The following GBP6 variants were observed in gnomAD, a reference collection of about 807,000 sequenced individuals.
GBP6 encodes the protein guanylate-binding protein 6.
A neutral mutation model predicts 61.5 loss-of-function variants in GBP6; 54 were observed. That is an observed-to-expected ratio of 0.88 (90% CI 0.71 to 1.10). The LOEUF is 1.10. GBP6 is among the 50% of genes least tolerant of loss of function. The pLI is 0.00. For synonymous variants in GBP6, 255 were observed against 273.7 expected (o/e 0.93, Z 0.67); for missense variants, 748 against 752.8 (o/e 0.99, Z 0.07).
At chr1:89,370,238 T>A (rs1319843259) in intron 3 of GBP6, among the ~76,000 whole-genome samples, 2 of 152,200 alleles carry the variant, frequency 1.3e-5, no homozygotes, top group African/African-American at 4.8e-5. Context: ...CTCACAGCTT[T>A]CACCACATAC....
rs1360994880 is a variant in GBP6, at chr1:89,384,240, A to G, written c.1616A>G (p.Glu539Gly). The G allele has an allele frequency of 5.0e-6, 8 of 1,614,004 alleles. No individual in the cohort carries two copies. Among genetic ancestry groups the G allele is most frequent in the Non-Finnish European group, 6.8e-6 (8 of 1,179,972 alleles). Residue 539 changes from glutamate (E) to glycine (G), a missense_variant, in exon 10 of 11, where the codon GAA (glutamate) becomes GGA (glycine). Transcript: ENST00000370456. ...QLKEKLQMER[E>G]HLLREQIMML... ...AAGGAGAAGCTGCAGATGGAGAGAG[A>G]ACACCTACTGAGAGAGCAGATTATG...
rs940135403 is a variant in GBP6, at chr1:89,379,315, A to C, written c.625+702A>C. On this transcript the variant is annotated intron_variant, in intron 5 of 10. Coordinates refer to ENST00000370456, the MANE Select transcript of GBP6 (RefSeq NM_198460.3). ...CATGAGAAATCTGCCCCTGTGACCC[A>C]AACACCTCCCACTAGGCCCACCTCC... 2.1e-5 allele frequency among the ~76,000 whole-genome samples: 3 copies of C among 142,990 alleles called. No individual in the cohort carries two copies. The Admixed American group carries it at 2.2e-4, about 10-fold the overall frequency. The allele number at this position is 142,990 out of a possible 152,430, so 93.8% of individuals were successfully genotyped here.
chr1:89,369,442 A>G (rs1468038786), intron 2 of GBP6, 104 bp from the exon 3 acceptor site: 5 of 1,323,170 alleles, frequency 3.8e-6, no homozygotes, highest in Non-Finnish European at 4.1e-6. Context: ...AAGGACCATC[A>G]TGTATGTTGG....
chr1:89,377,518 G>T (rs1233319476), intron 3 of GBP6, among the ~76,000 whole-genome samples: 1 of 151,934 alleles, frequency 6.6e-6, no homozygotes, highest in Non-Finnish European at 1.5e-5. Context: ...TTATAGCTAT[G>T]GGTTCCACTT....
Position 89,381,686 on chromosome 1 carries a change from T to C in GBP6, c.872-8T>C. On this transcript the variant is annotated splice_region_variant and splice_polypyrimidine_tract_variant and intron_variant, in intron 6 of 10. Coordinates refer to ENST00000370456, the MANE Select transcript of GBP6 (RefSeq NM_198460.3). Reference sequence around the variant, plus strand: ...ATATTTAGCCCCTAAATCTCCTGGTTCATTTAGGTCTGGGAACTCTGGCAG... The same window carrying C: ...ATATTTAGCCCCTAAATCTCCTGGTCCATTTAGGTCTGGGAACTCTGGCAG... 1 of 1,586,896 alleles carries C rather than the reference T, an allele frequency of 6.3e-7. No homozygotes were observed. Among genetic ancestry groups the C allele is most frequent in the Non-Finnish European group, 8.6e-7 (1 of 1,163,732 alleles).
At chr1:89,378,770 C>T (rs1220491949) in intron 5 of GBP6, among the ~76,000 whole-genome samples, 157 bp downstream of exon 5, 1 of 152,166 alleles carries the variant, frequency 6.6e-6, no homozygotes, top group Non-Finnish European at 1.5e-5. Context: ...GGAATGGAGC[C>T]TAGTTCACTT....
In GBP6 at chr1:89,368,608, G is replaced by A. The variant is rs376469456; in HGVS notation, c.57G>A (p.Glu19=). The stretch of plus-strand genomic sequence containing the variant: ...TTTGCCTGGTGGAAAATAACAATGA[G>A]CAGCTATTGGTGAACCAGCAAGCTA... The part of the protein sequence containing the change: ...APVCLVENNN[E]QLLVNQQAIQ... Residue 19 remains glutamate, a synonymous_variant, in exon 2 of 11, where the codon GAG becomes GAA. Transcript: ENST00000370456. 2 of 1,614,024 alleles carry A rather than the reference G, an allele frequency of 1.2e-6. No individual in the cohort carries two copies. The highest frequency in any genetic ancestry group is 1.7e-6 in the Non-Finnish European group (2 of 1,180,014).
chr1:89,383,782 G>A, intron 9 of GBP6, 28 bp downstream of exon 9: 1 of 1,506,288 alleles, frequency 6.6e-7, no homozygotes, highest in African/African-American at 1.4e-5. Flanking sequence ...GCTTACACAG[G>A]AGGGGTACGT....
At chr1:89,377,363 G>A (rs554223081) in intron 3 of GBP6, among the ~76,000 whole-genome samples, 6 of 152,104 alleles carry the variant, frequency 3.9e-5, no homozygotes, top group Non-Finnish European at 8.8e-5. Flanking sequence ...TCTACTTGCA[G>A]AATCACCTTC....
Sources: allele counts gnomAD v4.1 joint callset (sites outside exome capture counted in the v4.1 genomes callset), GRCh38; gene constraint gnomAD v4.1.1; transcripts MANE v1.5; gene names NCBI Gene and HGNC (gene_info 2026-07-23, HGNC 2026-07-21).